Variants in CFAP95 observed in about 807,000 individuals in gnomAD.
CFAP95 encodes cilia and flagella associated protein 95, also known as cilia- and flagella-associated protein 95.
the CFAP95 span, among the ~76,000 whole-genome samples, chr9:69,866,722 T>C: frequency 1.3e-5 from 2 of 152,204 alleles, no homozygotes; most frequent in South Asian, 2.1e-4. Flanking sequence ...TGTTGACACA[T>C]AAAATTAGCC....
At chr9:69,848,605 C>G in the CFAP95 span, among the ~76,000 whole-genome samples, 1 of 152,158 alleles carries the variant, frequency 6.6e-6, no homozygotes, top group Non-Finnish European at 1.5e-5. Flanking sequence ...TCTCTCTCTT[C>G]CTCATCTCCA....
chr9:69,886,876 C>T, the CFAP95 span: 1 of 1,612,684 alleles, frequency 6.2e-7, no homozygotes, highest in African/African-American at 1.3e-5. Context: ...TATGTTCCAC[C>T]ATATGATTAT....
the CFAP95 span, among the ~76,000 whole-genome samples, chr9:69,872,111 G>C: frequency 1.3e-5 from 2 of 152,132 alleles, no homozygotes; most frequent in Admixed American, 6.6e-5. Context: ...CTAGAGCTGG[G>C]CTTTAAACTC....
chr9:69,890,855 C>T, the CFAP95 span, among the ~76,000 whole-genome samples: 2 of 152,162 alleles, frequency 1.3e-5, no homozygotes, highest in Non-Finnish European at 2.9e-5. Flanking sequence ...TGCAGTTTAT[C>T]ATTCCATAGC....
chr9:69,858,490 G>A, the CFAP95 span, among the ~76,000 whole-genome samples: 1 of 152,270 alleles, frequency 6.6e-6, no homozygotes, highest in East Asian at 1.9e-4. Context: ...GTGAAGTGCT[G>A]CCGTGTTCCT....
chr9:69,864,317 G>T, the CFAP95 span, among the ~76,000 whole-genome samples: 2 of 151,976 alleles, frequency 1.3e-5, no homozygotes, highest in Admixed American at 1.3e-4. Context: ...GTGTGTATGT[G>T]CATGTGTGTA....
At chr9:69,905,328 T>C in the CFAP95 span, among the ~76,000 whole-genome samples, 1 of 152,228 alleles carries the variant, frequency 6.6e-6, no homozygotes, top group Non-Finnish European at 1.5e-5. Flanking sequence ...TTATGTTCCA[T>C]GTCTGCCATT....
At chr9:69,824,657 G>A in the CFAP95 span, among the ~76,000 whole-genome samples, 45 of 151,844 alleles carry the variant, frequency 3.0e-4, no homozygotes, top group African/African-American at 1.1e-3. Flanking sequence ...ACACCTTACA[G>A]AGGAAATGCA....
At chr9:69,843,164 G>A in the CFAP95 span, among the ~76,000 whole-genome samples, 1 of 152,002 alleles carries the variant, frequency 6.6e-6, no homozygotes, top group African/African-American at 2.4e-5. Flanking sequence ...ACTTCCCACT[G>A]CATCCCCCAC....
chr9:69,904,387 C>T, the CFAP95 span, among the ~76,000 whole-genome samples: 2 of 152,182 alleles, frequency 1.3e-5, no homozygotes, highest in Non-Finnish European at 2.9e-5. Context: ...CTTTTGTTGA[C>T]AAATAATATT....
chr9:69,827,587 T>C, the CFAP95 span, among the ~76,000 whole-genome samples: 1 of 152,116 alleles, frequency 6.6e-6, no homozygotes, highest in Non-Finnish European at 1.5e-5. Context: ...TATGTGACAT[T>C]TTGGTGGGGG....
chr9:69,863,967 G>A, the CFAP95 span, among the ~76,000 whole-genome samples: 1 of 151,986 alleles, frequency 6.6e-6, no homozygotes, highest in Non-Finnish European at 1.5e-5. Context: ...AGGTTTTTTT[G>A]ATAGGGAAAA....
the CFAP95 span, among the ~76,000 whole-genome samples, chr9:69,825,537 C>T: frequency 6.6e-6 from 1 of 152,188 alleles, no homozygotes; most frequent in Non-Finnish European, 1.5e-5. Context: ...CCATATCACC[C>T]TTATCACACC....
the CFAP95 span, among the ~76,000 whole-genome samples, chr9:69,890,948 C>T: frequency 5.9e-5 from 9 of 152,174 alleles, no homozygotes; most frequent in East Asian, 1.4e-3. Flanking sequence ...AATTGCAACC[C>T]GTTTATTTTG....
At chr9:69,823,845 GC>G in the CFAP95 span, among the ~76,000 whole-genome samples, 2 of 152,202 alleles carry the variant, frequency 1.3e-5, no homozygotes, top group African/African-American at 2.4e-5. Context: ...CAGTGGTGGA[GC>G]TTTTTGAGCC....
the CFAP95 span, among the ~76,000 whole-genome samples, chr9:69,890,224 T>G: frequency 6.6e-6 from 1 of 152,142 alleles, no homozygotes; most frequent in African/African-American, 2.4e-5. Flanking sequence ...GTGGGATGTA[T>G]TTTTAGGGCA....
the CFAP95 span, among the ~76,000 whole-genome samples, chr9:69,895,275 A>T: frequency 3.4e-3 from 519 of 152,144 alleles, 1 homozygote; most frequent in African/African-American, 0.011. Context: ...TGTAACATAG[A>T]AATCCTTCCT....
chr9:69,890,050 T>C, the CFAP95 span, among the ~76,000 whole-genome samples: 1 of 152,194 alleles, frequency 6.6e-6, no homozygotes, highest in Admixed American at 6.5e-5. Context: ...ACAAGTGTGA[T>C]GGTTTATCAT....
chr9:69,863,295 C>T, the CFAP95 span, among the ~76,000 whole-genome samples: 5 of 152,050 alleles, frequency 3.3e-5, no homozygotes, highest in Middle Eastern at 3.4e-3. Context: ...TACAGATGCA[C>T]GTGTAGGGAG....
Sources: gnomAD v4.1 joint callset for allele counts (sites outside exome capture counted in the v4.1 genomes callset) on GRCh38, gnomAD v4.1.1 for gene constraint, MANE v1.5 for transcripts, NCBI Gene and HGNC (gene_info 2026-07-23, HGNC 2026-07-21) for gene names.